The following LIPJ variants were observed in gnomAD, a reference collection of about 807,000 sequenced individuals.
The protein encoded by LIPJ is lipase family member J.
Under a neutral mutation model 39.8 loss-of-function variants are expected in LIPJ, and 33 were observed. That is an observed-to-expected ratio of 0.83 (90% CI 0.63 to 1.11). The LOEUF (loss-of-function observed/expected upper bound fraction) is 1.11, where lower values mean the gene tolerates loss of function less well. Ranked by LOEUF, LIPJ falls within the 50% of genes least tolerant of loss-of-function variation. LIPJ has a pLI of 0.00. For missense variants in LIPJ, 422 were observed against 427.9 expected (o/e 0.99, Z 0.12); for synonymous variants, 128 against 139.2 (o/e 0.92, Z 0.57).
upstream of LIPJ, among the ~76,000 whole-genome samples, chr10:88,586,261 C>G (rs1850914450): frequency 6.6e-6 from 1 of 152,126 alleles, no homozygotes; most frequent in African/African-American, 2.4e-5. Flanking sequence ...CATCTGATTT[C>G]ACAGTTAATA....
At chr10:88,607,206 G>C (rs1261536918), downstream of LIPJ, among the ~76,000 whole-genome samples, 1 of 151,878 alleles carries the variant, frequency 6.6e-6, no homozygotes, top group Non-Finnish European at 1.5e-5. Context: ...TTTTAAGAAA[G>C]TTTTTTTCAA....
At chr10:88,612,212 C>G in the LIPJ span, among the ~76,000 whole-genome samples, 3 of 152,262 alleles carry the variant, frequency 2.0e-5, no homozygotes, top group East Asian at 3.9e-4. Context: ...CAGACAAATG[C>G]TGAGAGAATC....
At chr10:88,600,040 G>A (rs1851420757) in intron 8 of LIPJ, among the ~76,000 whole-genome samples, 1 of 151,320 alleles carries the variant, frequency 6.6e-6, no homozygotes, top group African/African-American at 2.4e-5. Context: ...CTCTTATTTT[G>A]TTACTGCTCT....
At chr10:88,620,941 G>C in the LIPJ span, among the ~76,000 whole-genome samples, 2 of 152,106 alleles carry the variant, frequency 1.3e-5, no homozygotes, top group African/African-American at 4.8e-5. Context: ...TTTTCTTACT[G>C]TGTCCTCGCA....
intron 9 of LIPJ, 74 bp from the exon 10 acceptor site, chr10:88,605,559 A>AT: frequency 1.0e-6 from 1 of 977,124 alleles, no homozygotes; most frequent in Non-Finnish European, 1.6e-6. Flanking sequence ...GTATATATGC[A>AT]TTGCATGCTT....
chr10:88,621,436 A>G, the LIPJ span, among the ~76,000 whole-genome samples: 4 of 152,310 alleles, frequency 2.6e-5, no homozygotes, highest in East Asian at 7.7e-4. Flanking sequence ...GCATGATTCC[A>G]TTTATATAAC....
chr10:88,617,883 A>G, the LIPJ span, among the ~76,000 whole-genome samples: 1 of 152,224 alleles, frequency 6.6e-6, no homozygotes, highest in African/African-American at 2.4e-5. Context: ...TACTCTCTCT[A>G]CTAGTAGATT....
At chr10:88,621,142 T>C in the LIPJ span, among the ~76,000 whole-genome samples, 4 of 152,210 alleles carry the variant, frequency 2.6e-5, no homozygotes, top group Admixed American at 6.5e-5. Flanking sequence ...TAGCGCCATA[T>C]GATGCAACAA....
chr10:88,602,723 T>C (rs938366370), intron 9 of LIPJ, 76 bp downstream of exon 9: 126 of 791,958 alleles, frequency 1.6e-4, no homozygotes, highest in Admixed American at 5.0e-4. Context: ...CTAGGGATCA[T>C]ACCATGGCCA....
the LIPJ span, among the ~76,000 whole-genome samples, chr10:88,616,438 A>AT: frequency 2.0e-5 from 3 of 152,228 alleles, no homozygotes; most frequent in East Asian, 5.8e-4. Context: ...GGCTCAAAGC[A>AT]TAAGATCCTC....
chr10:88,593,909 C>T (rs1257304733), intron 4 of LIPJ, 37 bp from the exon 5 acceptor site: 7 of 1,551,896 alleles, frequency 4.5e-6, no homozygotes, highest in African/African-American at 4.1e-5. Flanking sequence ...TAGATAACTA[C>T]AAAATTTATA....
chr10:88,605,564 A>G, intron 9 of LIPJ, 69 bp from the exon 10 acceptor site: 3 of 1,058,266 alleles, frequency 2.8e-6, no homozygotes, highest in South Asian at 1.3e-5. Flanking sequence ...TATGCATTGC[A>G]TGCTTAACTT....
upstream of LIPJ, chr10:88,583,376 C>T (rs368027356): frequency 2.2e-6 from 3 of 1,390,520 alleles, no homozygotes; most frequent in South Asian, 1.6e-5. Flanking sequence ...AGCTGAGAGG[C>T]CCCTCCGTCC....
chr10:88,620,481 T>C, the LIPJ span, among the ~76,000 whole-genome samples: 3 of 152,110 alleles, frequency 2.0e-5, no homozygotes, highest in Admixed American at 2.0e-4. Context: ...TTTTAAATTC[T>C]AAAAATGGGA....
chr10:88,616,521 G>A, the LIPJ span, among the ~76,000 whole-genome samples: 4 of 152,236 alleles, frequency 2.6e-5, no homozygotes, highest in Admixed American at 2.6e-4. Context: ...CTAGAGGCCC[G>A]ACCTGCTGAG....
chr10:88,610,515 C>G (rs183440392), downstream of LIPJ, among the ~76,000 whole-genome samples: 1,108 of 152,092 alleles, frequency 7.3e-3, 28 homozygotes, highest in South Asian at 0.083. Flanking sequence ...AATCAAAATC[C>G]CCTGGGCTCT....
the LIPJ span, among the ~76,000 whole-genome samples, chr10:88,613,858 A>G: frequency 2.8e-3 from 408 of 144,886 alleles, 3 homozygotes; most frequent in African/African-American, 8.9e-3. Context: ...ATATATGTGT[A>G]TATATATGTA....
the LIPJ span, among the ~76,000 whole-genome samples, chr10:88,612,125 A>C: frequency 6.6e-6 from 1 of 152,222 alleles, no homozygotes; most frequent in Non-Finnish European, 1.5e-5. Context: ...GCCTCCTTAC[A>C]CAAAACAATT....
chr10:88,584,878 C>T (rs1334245693), upstream of LIPJ, among the ~76,000 whole-genome samples: 1 of 152,048 alleles, frequency 6.6e-6, no homozygotes, highest in Non-Finnish European at 1.5e-5. Flanking sequence ...GCAAAATACA[C>T]AATGGTATAT....
Sources: gnomAD v4.1 joint callset for allele counts (sites outside exome capture counted in the v4.1 genomes callset) on GRCh38, gnomAD v4.1.1 for gene constraint, MANE v1.5 for transcripts, NCBI Gene and HGNC (gene_info 2026-07-23, HGNC 2026-07-21) for gene names.